Variants in PPP2R2B observed in about 807,000 individuals in gnomAD.
PPP2R2B encodes the protein protein phosphatase 2 regulatory subunit Bbeta.
PPP2R2B carries 5 observed loss-of-function variants against 46.0 expected under a neutral mutation model. The observed-to-expected ratio is 0.11, with a 90% CI of 0.06 to 0.23. PPP2R2B has a LOEUF of 0.23. Ranked by LOEUF, PPP2R2B falls within the 10% of genes least tolerant of loss-of-function variation. The pLI, the probability that PPP2R2B is intolerant of heterozygous loss-of-function variation, is 1.00. For missense variants in PPP2R2B, 367 were observed against 575.0 expected, an observed-to-expected ratio of 0.64 and a Z score of 3.70; for synonymous variants, 215 against 206.7, an observed-to-expected ratio of 1.04 and a Z score of -0.34.
At chr5:146,878,961 C>T, upstream of PPP2R2B, 3 of 1,102,414 alleles carry the variant, frequency 2.7e-6, no homozygotes, top group Non-Finnish European at 3.4e-6. The surrounding 1 kb of genome is among the most constrained non-coding windows in gnomAD (Gnocchi z 4.5). Flanking sequence ...CATAGACGCG[C>T]TCTTCCAACC....
At chr5:146,618,757 AT>A (rs759903853) in intron 7 of PPP2R2B, among the ~76,000 whole-genome samples, 1 of 152,186 alleles carries the variant, frequency 6.6e-6, no homozygotes, top group African/African-American at 2.4e-5. Context: ...TCCTCCCAGC[AT>A]TCCTGATGCT....
chr5:146,819,003 T>C (rs1483443110), intron 2 of PPP2R2B, among the ~76,000 whole-genome samples: 1 of 152,186 alleles, frequency 6.6e-6, no homozygotes, highest in Non-Finnish European at 1.5e-5. Flanking sequence ...CAGATGGCCT[T>C]CTCTGCATTT....
At chr5:146,677,626 C>T (rs1268049056) in intron 5 of PPP2R2B, among the ~76,000 whole-genome samples, 1 of 145,032 alleles carries the variant, frequency 6.9e-6, no homozygotes, top group Non-Finnish European at 1.5e-5. Context: ...GCACCAGGCT[C>T]AAGTAGTTCT....
rs1004448122 is a variant in PPP2R2B, at chr5:146,983,687, A to G, written c.79+71978T>C. Among the ~76,000 whole-genome samples, 3 of 152,142 alleles carry G rather than the reference A, an allele frequency of 2.0e-5. No individual in the cohort carries two copies. The East Asian group carries it at 5.8e-4, about 29-fold the overall frequency. On this transcript the variant is annotated intron_variant, in intron 1 of 8. Transcript: ENST00000336640. ...ACATAAATTTAGAACCTCATCAGAC[A>G]TTGTCATAATTTTTGCTTCAATTGT... is the stretch of plus-strand genomic sequence containing the variant.
chr5:146,974,776 G>T (rs781315848), intron 1 of PPP2R2B, among the ~76,000 whole-genome samples: 1 of 149,036 alleles, frequency 6.7e-6, no homozygotes, highest in South Asian at 2.1e-4. Context: ...TGCAAGCTCC[G>T]CCTACGGGTT....
At chr5:146,956,887 C>G (rs1751938429) in intron 1 of PPP2R2B, among the ~76,000 whole-genome samples, 1 of 152,170 alleles carries the variant, frequency 6.6e-6, no homozygotes, top group South Asian at 2.1e-4. Context: ...TCTGGAGTCT[C>G]TCTTTTGAGG....
At chr5:146,757,729 A>C (rs1232605833) in intron 2 of PPP2R2B, among the ~76,000 whole-genome samples, 1 of 152,208 alleles carries the variant, frequency 6.6e-6, no homozygotes, top group Non-Finnish European at 1.5e-5. Context: ...TGTATCCCAA[A>C]TCACACTGGT....
intron 2 of PPP2R2B, among the ~76,000 whole-genome samples, chr5:146,757,551 T>TCC (rs1245296644): frequency 3.3e-5 from 5 of 152,188 alleles, no homozygotes; most frequent in Non-Finnish European, 7.3e-5. Context: ...GACATTGTTT[T>TCC]GGACATGCAG....
intron 2 of PPP2R2B, among the ~76,000 whole-genome samples, chr5:146,756,897 G>C (rs957425197): frequency 1.3e-5 from 2 of 152,322 alleles, no homozygotes; most frequent in African/African-American, 4.8e-5. Flanking sequence ...AAGCTCCAAG[G>C]ATATGTCAAA....
chr5:146,689,226 T>C (rs1778685487), intron 5 of PPP2R2B, among the ~76,000 whole-genome samples: 1 of 152,166 alleles, frequency 6.6e-6, no homozygotes, highest in Admixed American at 6.5e-5. Flanking sequence ...AATAACTTAT[T>C]GAATCCTCAC....
At chr5:146,597,823 C>T (rs1771336103) in intron 8 of PPP2R2B, among the ~76,000 whole-genome samples, 1 of 152,212 alleles carries the variant, frequency 6.6e-6, no homozygotes, top group African/African-American at 2.4e-5. Flanking sequence ...CACAAACCTA[C>T]TTCATCTATA....
At chr5:146,880,156 A>AAATGTTCC (rs1192473976), upstream of PPP2R2B, among the ~76,000 whole-genome samples, 2 of 151,234 alleles carry the variant, frequency 1.3e-5, no homozygotes, top group Non-Finnish European at 2.9e-5. Context: ...AAAAGAGCAG[A>AAATGTTCC]AATGTTCCTT....
At chr5:146,948,099 C>G (rs914842886) in intron 1 of PPP2R2B, among the ~76,000 whole-genome samples, 3 of 151,882 alleles carry the variant, frequency 2.0e-5, no homozygotes, top group Admixed American at 6.6e-5. Context: ...AATCGTTTCC[C>G]TTACCCTATA....
At chr5:146,869,936 G>GGGTC (rs113597659) in intron 2 of PPP2R2B, among the ~76,000 whole-genome samples, 27,094 of 151,984 alleles carry the variant, frequency 0.18, 2,860 homozygotes, top group East Asian at 0.35. Flanking sequence ...CACTGTGGTA[G>GGGTC]GGTCCTTCCT....
At chr5:146,888,562 T>C (rs1762399734) in intron 1 of PPP2R2B, among the ~76,000 whole-genome samples, 1 of 152,190 alleles carries the variant, frequency 6.6e-6, no homozygotes, top group African/African-American at 2.4e-5. Context: ...TCCTTTTAAA[T>C]GCAAATCACT....
intron 1 of PPP2R2B, among the ~76,000 whole-genome samples, chr5:146,903,451 A>C (rs1762904305): frequency 7.1e-6 from 1 of 140,918 alleles, no homozygotes; most frequent in Admixed American, 7.5e-5. Flanking sequence ...GCTAGAGTGC[A>C]GTGGTACAAT....
intron 1 of PPP2R2B, among the ~76,000 whole-genome samples, chr5:146,941,411 A>G (rs1234530201): frequency 6.6e-6 from 1 of 152,224 alleles, no homozygotes; most frequent in Non-Finnish European, 1.5e-5. Flanking sequence ...TCTTTAAGGT[A>G]GTCCATCAAT....
chr5:147,057,090 T>C (rs1210915643), upstream of PPP2R2B, among the ~76,000 whole-genome samples: 1 of 152,230 alleles, frequency 6.6e-6, no homozygotes, highest in Admixed American at 6.5e-5. Context: ...TAACTCAGCA[T>C]TGGAGAAATG....
chr5:146,877,878 G>A (rs1295410882), intron 2 of PPP2R2B, 124 bp downstream of exon 2: 14 of 1,169,656 alleles, frequency 1.2e-5, no homozygotes, highest in Non-Finnish European at 1.4e-5. Context: ...GGCCAGCCGA[G>A]CCCCCGCCCC....
Sources: gnomAD v4.1 joint callset for allele counts (sites outside exome capture counted in the v4.1 genomes callset) on GRCh38, gnomAD v4.1.1 for gene constraint, Gnocchi (gnomAD v3.1) non-coding constraint, MANE v1.5 for transcripts, NCBI Gene and HGNC (gene_info 2026-07-23, HGNC 2026-07-21) for gene names.